SBF2: variants seen among roughly 807,000 people sequenced by gnomAD.
SBF2 encodes the protein SET binding factor 2, also known as myotubularin-related protein 13.
In SBF2, 112 loss-of-function variants were observed where a neutral mutation model predicts 225.2. That is an observed-to-expected ratio of 0.50 (90% CI 0.43 to 0.58). The LOEUF (loss-of-function observed/expected upper bound fraction) is 0.58. Among genes scored for constraint, SBF2 ranks in the 20% least tolerant of loss-of-function variants. The pLI is 0.00. For missense variants in SBF2, 1,996 were observed against 2,206.2 expected, an observed-to-expected ratio of 0.90 and a Z score of 1.91; for synonymous variants, 763 against 773.3, an observed-to-expected ratio of 0.99 and a Z score of 0.22.
At chr11:10,110,610 T>G (rs1303030283) in intron 2 of SBF2, among the ~76,000 whole-genome samples, 1 of 152,160 alleles carries the variant, frequency 6.6e-6, no homozygotes, top group African/African-American at 2.4e-5. Context: ...AAATTTCAAA[T>G]TACTTTAAAA....
Position 9,791,003 on chromosome 11 carries a change from C to T in SBF2, c.4571-320G>A, listed in dbSNP as rs1852707353. The stretch of plus-strand genomic sequence containing the variant: ...AGAAGTCCATGCAGGAGGCAGTCTA[C>T]ACTTTTCAAGAGAAAATGGAAGGAC... On this transcript the variant is annotated intron_variant, in intron 33 of 39. Transcript: ENST00000256190. 3.9e-5 allele frequency: 8 copies of T among 205,828 alleles called. 1 individual carries two copies. In the South Asian group the frequency reaches 7.0e-4, roughly 18 times the overall value. The allele number at this position is 205,828 out of a possible 1,614,324, so 12.8% of individuals were successfully genotyped here.
intron 16 of SBF2, among the ~76,000 whole-genome samples, chr11:9,936,394 G>A (rs777952044): frequency 2.0e-5 from 3 of 152,190 alleles, no homozygotes; most frequent in Non-Finnish European, 4.4e-5. Flanking sequence ...AGACAGGGTG[G>A]CAATTCCTCA....
chr11:9,953,350 A>AG (rs1865969453), intron 16 of SBF2, among the ~76,000 whole-genome samples: 1 of 152,054 alleles, frequency 6.6e-6, no homozygotes, highest in Non-Finnish European at 1.5e-5. Flanking sequence ...AGGCTGAGGC[A>AG]GAGAATTGCT....
chr11:9,927,537 T>C (rs557249412), intron 16 of SBF2, among the ~76,000 whole-genome samples: 3 of 152,244 alleles, frequency 2.0e-5, no homozygotes, highest in South Asian at 2.1e-4. Context: ...CTGGGCAAGA[T>C]AGCAAGTCCT....
chr11:9,820,971 T>G (rs1250625356), intron 28 of SBF2, among the ~76,000 whole-genome samples: 1 of 152,220 alleles, frequency 6.6e-6, no homozygotes, highest in East Asian at 1.9e-4. Context: ...TAATTGACTA[T>G]TCCCCTACCT....
intron 2 of SBF2, 43 bp from the exon 3 acceptor site, chr11:10,043,024 AAAGTT>A (rs765018752): frequency 6.4e-6 from 10 of 1,570,460 alleles, no homozygotes; most frequent in Middle Eastern, 1.8e-4. Context: ...AAAAACAATA[AAAGTT>A]AATTATTAAT....
intron 17 of SBF2, among the ~76,000 whole-genome samples, chr11:9,864,639 G>A (rs1438622768): frequency 1.3e-5 from 2 of 151,172 alleles, no homozygotes; most frequent in African/African-American, 2.4e-5. Flanking sequence ...CTCCCGCCTC[G>A]GCCACCCAAA....
intron 2 of SBF2, among the ~76,000 whole-genome samples, chr11:10,113,673 G>T (rs1952987259): frequency 6.6e-6 from 1 of 151,972 alleles, no homozygotes; most frequent in African/African-American, 2.4e-5. Context: ...ACATTAGGTA[G>T]AGATGTGTGG....
chr11:10,259,517 T>C (rs1961223526), intron 1 of SBF2, among the ~76,000 whole-genome samples: 1 of 152,226 alleles, frequency 6.6e-6, no homozygotes, highest in Non-Finnish European at 1.5e-5. Context: ...TGTAAACATC[T>C]GATAAATATT....
At chr11:10,020,695 A>C (rs1948821358) in intron 6 of SBF2, among the ~76,000 whole-genome samples, 1 of 152,172 alleles carries the variant, frequency 6.6e-6, no homozygotes, top group Non-Finnish European at 1.5e-5. Context: ...TGCCAGTAAC[A>C]TTATCACTTC....
At chr11:10,196,833 CATAA>C (rs1467538520) in intron 1 of SBF2, among the ~76,000 whole-genome samples, 1,768 of 95,802 alleles carry the variant, frequency 0.018, 36 homozygotes, top group African/African-American at 0.053. Context: ...AGGTTTCTTG[CATAA>C]ATATATATAT....
intron 15 of SBF2, among the ~76,000 whole-genome samples, chr11:9,962,931 G>C (rs1347145056): frequency 3.9e-5 from 6 of 152,148 alleles, no homozygotes; most frequent in Admixed American, 3.9e-4. Context: ...AATGTAAAGA[G>C]CACTGGGTCA....
At chr11:10,162,503 T>C (rs944901558) in intron 2 of SBF2, among the ~76,000 whole-genome samples, 8 of 152,182 alleles carry the variant, frequency 5.3e-5, no homozygotes, top group African/African-American at 1.2e-4. Context: ...TAAAATAGCA[T>C]TGGTTTCTCT....
chr11:10,288,680 G>A (rs890034887), intron 1 of SBF2, among the ~76,000 whole-genome samples: 23 of 152,120 alleles, frequency 1.5e-4, no homozygotes, highest in Non-Finnish European at 2.2e-4. Flanking sequence ...ACAGTGGGAA[G>A]CTCCTCTCTT....
chr11:9,805,774 C>T (rs1002357820), intron 32 of SBF2, among the ~76,000 whole-genome samples: 1 of 152,160 alleles, frequency 6.6e-6, no homozygotes, highest in Non-Finnish European at 1.5e-5. Flanking sequence ...AGGCGTGCGC[C>T]CCCACGTCTG....
chr11:10,139,450 G>GT (rs1210672139), intron 2 of SBF2, among the ~76,000 whole-genome samples: 1 of 152,088 alleles, frequency 6.6e-6, no homozygotes, highest in African/African-American at 2.4e-5. Flanking sequence ...TCAAATTAGC[G>GT]TATTAGAAGT....
rs182036449 is a variant in SBF2 at position 9,895,198 on chromosome 11, T to G, written c.1929+745A>C. On this transcript the variant is annotated intron_variant, in intron 17 of 39. Coordinates refer to ENST00000256190, the MANE Select transcript of SBF2 (RefSeq NM_030962.4). ...AATCTGCTAACACAGAGAAACAGTA[T>G]GGCAGTTACCAAACTTGTTAACTTA... Among the ~76,000 whole-genome samples, 475 of 152,314 alleles carry G rather than the reference T, an allele frequency of 3.1e-3. 3 individuals are homozygous for G. The highest frequency in any genetic ancestry group is 9.3e-3 in the South Asian group (45 of 4,830).
At chr11:10,133,351 A>AG (rs1223204942) in intron 2 of SBF2, among the ~76,000 whole-genome samples, 2 of 149,418 alleles carry the variant, frequency 1.3e-5, no homozygotes, top group Non-Finnish European at 3.0e-5. Flanking sequence ...GCCGTGGAGC[A>AG]GGGGGTGGTG....
At chr11:9,852,423 T>C (rs1245982436) in intron 21 of SBF2, among the ~76,000 whole-genome samples, 1 of 152,226 alleles carries the variant, frequency 6.6e-6, no homozygotes, top group Non-Finnish European at 1.5e-5. Flanking sequence ...ATTTATGCCC[T>C]GCCTATAAAA....
Sources: gnomAD v4.1 joint callset for allele counts (sites outside exome capture counted in the v4.1 genomes callset) on GRCh38, gnomAD v4.1.1 for gene constraint, MANE v1.5 for transcripts, NCBI Gene and HGNC (gene_info 2026-07-23, HGNC 2026-07-21) for gene names.